SIAH1: variants seen among roughly 807,000 people sequenced by gnomAD.
SIAH1 encodes siah E3 ubiquitin protein ligase 1, also known as E3 ubiquitin-protein ligase SIAH1.
A neutral mutation model predicts 20.0 loss-of-function variants in SIAH1; 2 were observed. The observed-to-expected ratio is 0.10, with a 90% confidence interval of 0.04 to 0.31. The LOEUF (loss-of-function observed/expected upper bound fraction) is 0.31, where lower values mean the gene tolerates loss of function less well. Among genes scored for constraint, SIAH1 ranks in the 10% least tolerant of loss-of-function variants. SIAH1 has a pLI of 1.00. For synonymous variants in SIAH1, 118 were observed against 125.3 expected, an observed-to-expected ratio of 0.94 and a Z score of 0.39; for missense variants, 119 against 355.3, an observed-to-expected ratio of 0.33 and a Z score of 5.35.
intron 1 of SIAH1, among the ~76,000 whole-genome samples, chr16:48,373,693 C>T (rs139019233): frequency 6.6e-6 from 1 of 152,308 alleles, no homozygotes; most frequent in African/African-American, 2.4e-5. Context: ...TTAATTAATC[C>T]AGCTCCGTTT....
intron 1 of SIAH1, among the ~76,000 whole-genome samples, chr16:48,370,805 C>CAAA (rs79073186): frequency 0.19 from 23,373 of 124,660 alleles, 2,314 homozygotes; most frequent in Middle Eastern, 0.3. Flanking sequence ...GACTCCATCT[C>CAAA]AAAAAAAAAA....
chr16:48,374,532 C>G (rs1358552299), intron 1 of SIAH1, among the ~76,000 whole-genome samples: 1 of 151,914 alleles, frequency 6.6e-6, no homozygotes, highest in Non-Finnish European at 1.5e-5. Context: ...GGGAAATAAC[C>G]AAGAAAAAGA....
intron 1 of SIAH1, among the ~76,000 whole-genome samples, chr16:48,376,810 C>T (rs1213951723): frequency 6.6e-6 from 1 of 152,068 alleles, no homozygotes; most frequent in Non-Finnish European, 1.5e-5. Context: ...GGGCCCTTGA[C>T]AAGTTTTTAG....
rs148648881 is a variant in SIAH1 at position 48,368,325 on chromosome 16, C to G, written c.-2-5895G>C. ...AATAAACTGCTTTATAAAGATTAGT[C>G]TGATTAACAACTGTGAAAACAGTCA... is the stretch of plus-strand genomic sequence containing the variant. On this transcript the variant is annotated intron_variant, in intron 1 of 1. Transcript: ENST00000394725. Among the ~76,000 whole-genome samples the G allele has an allele frequency of 3.3e-5, 5 of 152,304 alleles. No individual in the cohort carries two copies. In the East Asian group the frequency reaches 9.6e-4, roughly 29 times the overall value.
chr16:48,380,680 T>C (rs1359726946), intron 1 of SIAH1, among the ~76,000 whole-genome samples: 2 of 151,700 alleles, frequency 1.3e-5, no homozygotes, highest in Non-Finnish European at 2.9e-5. Flanking sequence ...TCCCACCACT[T>C]TGGGAGGCCG....
chr16:48,365,707 A>C (rs1960809650), intron 1 of SIAH1: 1 of 1,424,288 alleles, frequency 7.0e-7, no homozygotes, highest in Non-Finnish European at 9.1e-7. Flanking sequence ...ATCTCCAAAA[A>C]TGGGAGCCAC....
intron 1 of SIAH1, among the ~76,000 whole-genome samples, chr16:48,368,952 G>A (rs1046612584): frequency 8.5e-5 from 13 of 152,062 alleles, no homozygotes; most frequent in African/African-American, 3.1e-4. Flanking sequence ...GGTTAAAAGG[G>A]TATTTTCCAA....
chr16:48,385,575 G>C (rs1282035391), upstream of SIAH1: 2 of 151,996 alleles, frequency 1.3e-5, no homozygotes, highest in East Asian at 3.9e-4. Context: ...GTAGCTGTGC[G>C]GGTCTCCAAA....
At position 48,362,578 on chromosome 16, in the gene SIAH1, T is replaced by C. The variant is rs78029544; in HGVS notation, c.-2-148A>G. The C allele has an allele frequency of 5.2e-6, 4 of 772,738 alleles. No homozygotes were observed. In the South Asian group the frequency reaches 5.8e-5, roughly 11 times the overall value. The allele number at this position is 772,738 out of a possible 1,614,324, so 47.9% of individuals were successfully genotyped here. A position where few individuals can be genotyped will look rare whatever the true frequency, so the allele number is the denominator to read the frequency against. ...AAGAAAAATAGGATTAAAAAAGATATTAAAAAAATAAAATTACACTGAATG... is the reference window on the plus strand; with the variant it reads ...AAGAAAAATAGGATTAAAAAAGATACTAAAAAAATAAAATTACACTGAATG... On this transcript the variant is annotated intron_variant, in intron 1 of 1. Coordinates refer to ENST00000394725, the MANE Select transcript of SIAH1 (RefSeq NM_003031.4). The surrounding 1 kb of genome is among the most constrained non-coding windows in gnomAD (Gnocchi z 4.2).
At chr16:48,379,378 C>T (rs1961199380) in intron 1 of SIAH1, among the ~76,000 whole-genome samples, 1 of 152,124 alleles carries the variant, frequency 6.6e-6, no homozygotes, top group African/African-American at 2.4e-5. Context: ...ACAATCATGA[C>T]CAAAGGCACA....
At chr16:48,386,458 G>A (rs567401692), upstream of SIAH1, among the ~76,000 whole-genome samples, 4 of 152,254 alleles carry the variant, frequency 2.6e-5, no homozygotes, top group South Asian at 4.1e-4. Flanking sequence ...GTGAGGCAGA[G>A]ATCAGGCCAT....
At chr16:48,386,296 C>T (rs1469170137), upstream of SIAH1, among the ~76,000 whole-genome samples, 7 of 152,142 alleles carry the variant, frequency 4.6e-5, no homozygotes, top group Non-Finnish European at 8.8e-5. Context: ...TACCTGAGGT[C>T]AGGAGTTCGA....
intron 1 of SIAH1, among the ~76,000 whole-genome samples, chr16:48,368,272 T>C (rs1033965045): frequency 6.6e-6 from 1 of 152,220 alleles, no homozygotes; most frequent in Non-Finnish European, 1.5e-5. Context: ...TACTGGTGAT[T>C]TTTAGCTGTA....
At chr16:48,370,344 T>C (rs1960951331) in intron 1 of SIAH1, among the ~76,000 whole-genome samples, 1 of 152,142 alleles carries the variant, frequency 6.6e-6, no homozygotes, top group Non-Finnish European at 1.5e-5. Flanking sequence ...GTTTTGGTCT[T>C]GCTGCTAGTC....
chr16:48,374,496 C>T (rs186656622), intron 1 of SIAH1, among the ~76,000 whole-genome samples: 1 of 152,238 alleles, frequency 6.6e-6, no homozygotes, highest in Admixed American at 6.5e-5. Context: ...TAGGAAGCTC[C>T]TGGAAGATAA....
At chr16:48,381,116 A>G (rs1478466576) in intron 1 of SIAH1, among the ~76,000 whole-genome samples, 1 of 151,848 alleles carries the variant, frequency 6.6e-6, no homozygotes, top group Non-Finnish European at 1.5e-5. Context: ...AGGCTAAGAC[A>G]GGCAGATCAC....
rs758602712 is a variant in SIAH1 at position 48,361,513 on chromosome 16, G to A, written c.*67C>T. On this transcript the variant is annotated 3_prime_UTR_variant, in exon 2 of 2. Transcript: ENST00000394725. ...CGAAAGAGTTTTAGGTTGGCAGACA[G>A]ATGGGTGCCTTATTTTCTGTGAAAC... The A allele has an allele frequency of 4.6e-6, 7 of 1,538,086 alleles. No homozygotes were observed. Among genetic ancestry groups the A allele is most frequent in the Non-Finnish European group, 5.3e-6 (6 of 1,122,558 alleles).
chr16:48,382,441 G>A (rs1961323491), intron 1 of SIAH1, among the ~76,000 whole-genome samples: 1 of 152,106 alleles, frequency 6.6e-6, no homozygotes, highest in African/African-American at 2.4e-5. Flanking sequence ...ACAGTAGTAG[G>A]TGAGTAAACA....
rs1175118957 is a variant in SIAH1 at position 48,361,202 on chromosome 16, GAA to G, written c.*376_*377del. ...ACTCAAGATGGCTTGTCAGTTAAAG[GAA>G]AAAAACCCAAACACGCACACACCCA... On this transcript the variant is annotated 3_prime_UTR_variant, in exon 2 of 2. Coordinates refer to ENST00000394725, the MANE Select transcript of SIAH1 (RefSeq NM_003031.4). 1 of 204,478 alleles carries G rather than the reference GAA, an allele frequency of 4.9e-6. No homozygotes were observed. The highest frequency in any genetic ancestry group is 1.0e-5 in the Non-Finnish European group (1 of 98,402). The allele number at this position is 204,478 out of a possible 1,614,324, so 12.7% of individuals were successfully genotyped here. A position where few individuals can be genotyped will look rare whatever the true frequency, so the allele number is the denominator to read the frequency against.
Sources: gnomAD v4.1 joint callset for allele counts (sites outside exome capture counted in the v4.1 genomes callset) on GRCh38, gnomAD v4.1.1 for gene constraint, Gnocchi (gnomAD v3.1) non-coding constraint, MANE v1.5 for transcripts, NCBI Gene and HGNC (gene_info 2026-07-23, HGNC 2026-07-21) for gene names.